Variants in ARHGAP35 observed in about 807,000 individuals in gnomAD.
ARHGAP35 encodes Rho GTPase activating protein 35, also known as rho GTPase-activating protein 35.
In ARHGAP35, 15 loss-of-function variants were observed where a neutral mutation model predicts 111.1. The ratio of observed to expected loss-of-function variants is 0.13; its 90% confidence interval spans 0.09 to 0.21. The LOEUF (loss-of-function observed/expected upper bound fraction) is 0.21. ARHGAP35 is among the 10% of genes least tolerant of loss of function. The pLI is 1.00. For synonymous variants in ARHGAP35, 643 were observed against 710.3 expected (o/e 0.91, Z 1.51); for missense variants, 1,262 against 1,873.0 (o/e 0.67, Z 6.02).
At chr19:46,937,851 C>T (rs1186100589) in intron 3 of ARHGAP35, among the ~76,000 whole-genome samples, 2 of 152,144 alleles carry the variant, frequency 1.3e-5, no homozygotes, top group African/African-American at 2.4e-5. Context: ...CAGCATTGTT[C>T]GGATGCCTGA....
chr19:46,870,409 C>G (rs994096786), intron 1 of ARHGAP35, among the ~76,000 whole-genome samples: 7 of 151,772 alleles, frequency 4.6e-5, no homozygotes, highest in Non-Finnish European at 1.0e-4. Context: ...GAAATCCCAT[C>G]TCTACTAAAA....
At chr19:46,987,922 G>T in intron 3 of ARHGAP35, 67 bp from the exon 4 acceptor site, 2 of 1,516,424 alleles carry the variant, frequency 1.3e-6, no homozygotes, top group Non-Finnish European at 9.1e-7. Context: ...CCTTGTCTTC[G>T]AGCCCAGCCC....
At chr19:46,950,743 C>A (rs1309792262) in intron 3 of ARHGAP35, among the ~76,000 whole-genome samples, 2 of 152,180 alleles carry the variant, frequency 1.3e-5, no homozygotes, top group African/African-American at 4.8e-5. Flanking sequence ...CGCTGTGGCT[C>A]TCTCTGTGGT....
intron 1 of ARHGAP35, among the ~76,000 whole-genome samples, chr19:46,870,454 C>T (rs2055881922): frequency 6.6e-6 from 1 of 151,850 alleles, no homozygotes; most frequent in Non-Finnish European, 1.5e-5. Context: ...TGGCGGGCGC[C>T]TGTAGTCCCA....
chr19:46,895,827 GT>G (rs1478217141), intron 1 of ARHGAP35, among the ~76,000 whole-genome samples: 1 of 152,184 alleles, frequency 6.6e-6, no homozygotes, highest in Non-Finnish European at 1.5e-5. Context: ...GGAAGGCCAG[GT>G]GCGGTGGCTC....
intron 3 of ARHGAP35, among the ~76,000 whole-genome samples, chr19:46,970,038 C>T (rs1299931715): frequency 6.6e-6 from 1 of 152,172 alleles, no homozygotes; most frequent in African/African-American, 2.4e-5. Flanking sequence ...TTACCTGTGA[C>T]CCATAGTAGG....
In ARHGAP35 at chr19:46,918,620, A is replaced by G. The variant is rs1354200009; in HGVS notation, c.-56A>G. 11 of 1,545,156 alleles carry G rather than the reference A, an allele frequency of 7.1e-6. No individual in the cohort carries two copies. Among genetic ancestry groups the G allele is most frequent in the Non-Finnish European group, 9.7e-6 (11 of 1,135,412 alleles). ...AATAATGTAGGAAGCTGTCTGGTCC[A>G]TTGGAAACACTAATCTGATCTCAGA... On this transcript the variant is annotated 5_prime_UTR_variant, in exon 2 of 7. Coordinates refer to ENST00000672722, the MANE Select transcript of ARHGAP35 (RefSeq NM_004491.5). This position sits in a 1 kb window ranked among gnomAD's most constrained non-coding sequence, Gnocchi z 5.4.
chr19:46,876,198 T>A (rs1237663329), intron 1 of ARHGAP35, among the ~76,000 whole-genome samples: 1 of 151,962 alleles, frequency 6.6e-6, no homozygotes, highest in Non-Finnish European at 1.5e-5. Flanking sequence ...GCTTTATTTT[T>A]TTTTTTTAAT....
Position 47,000,271 on chromosome 19 carries a change from C to T in ARHGAP35, c.4143-60C>T, listed in dbSNP as rs200705742. ...CAGCCTGGGTGCTGAAGACCATGAG[C>T]GCCCAGGGCCAGGTGGGGCCCTGCA... is the stretch of plus-strand genomic sequence containing the variant. On this transcript the variant is annotated intron_variant, in intron 6 of 6. Coordinates refer to ENST00000672722, the MANE Select transcript of ARHGAP35 (RefSeq NM_004491.5). The surrounding 1 kb of genome is among the most constrained non-coding windows in gnomAD (Gnocchi z 6.9). The T allele has an allele frequency of 4.9e-4, 749 of 1,542,342 alleles. 1 individual carries two copies. The highest frequency in any genetic ancestry group is 6.2e-4 in the Non-Finnish European group (706 of 1,135,628).
chr19:46,881,348 C>G (rs2055961695), intron 1 of ARHGAP35, among the ~76,000 whole-genome samples: 1 of 152,154 alleles, frequency 6.6e-6, no homozygotes, highest in African/African-American at 2.4e-5. Context: ...GCAGTGTTGC[C>G]TTATGAAATG....
chr19:46,865,327 C>T (rs1396763975), intron 1 of ARHGAP35, among the ~76,000 whole-genome samples: 1 of 152,170 alleles, frequency 6.6e-6, no homozygotes, highest in Non-Finnish European at 1.5e-5. Context: ...CAAAGTTCCT[C>T]ATTTAAGTTA....
chr19:46,970,309 G>A (rs1421524789), intron 3 of ARHGAP35, among the ~76,000 whole-genome samples: 1 of 152,176 alleles, frequency 6.6e-6, no homozygotes, highest in Non-Finnish European at 1.5e-5. Flanking sequence ...GCCATCCTTG[G>A]TGTTTGCAGA....
At chr19:46,987,930 C>T (rs1426134111) in intron 3 of ARHGAP35, 59 bp from the exon 4 acceptor site, 2 of 1,547,596 alleles carry the variant, frequency 1.3e-6, no homozygotes, top group Admixed American at 3.5e-5. Context: ...TCGAGCCCAG[C>T]CCTCCTCATT....
At chr19:46,915,664 T>C (rs538055284) in intron 1 of ARHGAP35, among the ~76,000 whole-genome samples, 1 of 152,132 alleles carries the variant, frequency 6.6e-6, no homozygotes, top group Non-Finnish European at 1.5e-5. Flanking sequence ...CAGAAGAAAA[T>C]TGCTCTGTTC....
rs115103829 is a variant in ARHGAP35, at chr19:46,885,799, T to A, written c.-189+24590T>A. Among the ~76,000 whole-genome samples, 803 of 152,256 alleles carry A rather than the reference T, an allele frequency of 5.3e-3. 10 individuals carry two copies. Among genetic ancestry groups the A allele is most frequent in the African/African-American group, 0.019 (773 of 41,528 alleles). On this transcript the variant is annotated intron_variant, in intron 1 of 6. Transcript: ENST00000672722. ...TGGATTTTTTTAATCTTAATTTTTT[T>A]AATTTTTACCTTTTTAGAGATGAGT...
At chr19:46,885,809 C>G (rs563770701) in intron 1 of ARHGAP35, among the ~76,000 whole-genome samples, 1 of 150,848 alleles carries the variant, frequency 6.6e-6, no homozygotes, top group South Asian at 2.1e-4. Context: ...TAATTTTTAC[C>G]TTTTTAGAGA....
intron 1 of ARHGAP35, among the ~76,000 whole-genome samples, chr19:46,911,401 C>A (rs2056137364): frequency 6.6e-6 from 1 of 152,154 alleles, no homozygotes. Flanking sequence ...GTACCCATTC[C>A]TTTTGTTTCA....
chr19:46,960,148 C>T (rs981435580), intron 3 of ARHGAP35, among the ~76,000 whole-genome samples: 7 of 151,894 alleles, frequency 4.6e-5, no homozygotes, highest in Middle Eastern at 3.4e-3. Context: ...AAAAAGTAAC[C>T]CGATCTTGTT....
At chr19:46,975,212 T>C (rs1190988949) in intron 3 of ARHGAP35, among the ~76,000 whole-genome samples, 1 of 152,212 alleles carries the variant, frequency 6.6e-6, no homozygotes, top group East Asian at 1.9e-4. Flanking sequence ...CTTCTATCAC[T>C]CAGGAAATTC....
Sources: gnomAD v4.1 joint callset for allele counts (sites outside exome capture counted in the v4.1 genomes callset) on GRCh38, gnomAD v4.1.1 for gene constraint, Gnocchi (gnomAD v3.1) non-coding constraint, MANE v1.5 for transcripts, NCBI Gene and HGNC (gene_info 2026-07-23, HGNC 2026-07-21) for gene names.